Variants in NKX2-2 observed in about 807,000 individuals in gnomAD.
NKX2-2 encodes homeobox protein Nkx-2.2.
Under a neutral mutation model 24.6 loss-of-function variants are expected in NKX2-2, and 8 were observed. That is an observed-to-expected ratio of 0.32 (90% CI 0.19 to 0.59). The LOEUF is 0.59. Ranked by LOEUF, NKX2-2 falls within the 20% of genes least tolerant of loss-of-function variation. The probability of loss-of-function intolerance (pLI) is 0.86; values close to 1 mark genes in which losing one functional copy is unlikely to be tolerated. For missense variants in NKX2-2, 381 were observed against 373.9 expected (o/e 1.02, Z -0.16); for synonymous variants, 217 against 173.3 (o/e 1.25, Z -1.98).
Position 21,512,278 on chromosome 20 carries a change from G to A in NKX2-2, c.467C>T (p.Pro156Leu). 6.2e-7 allele frequency: 1 copy of A among 1,613,688 alleles called. No homozygotes were observed. The highest frequency in any genetic ancestry group is 8.5e-7 in the Non-Finnish European group (1 of 1,179,942). Residue 156 changes from proline to leucine, a missense_variant, in exon 2 of 2, where the codon CCC becomes CTC. Physicochemically the swap from Pro to Leu is moderately conservative, Grantham distance 98. Around this residue, in one of 3 missense-constraint regions of NKX2-2, gnomAD observed 36 missense variants for 79.2 expected, o/e 0.45. Coordinates refer to ENST00000377142, the MANE Select transcript of NKX2-2 (RefSeq NM_002509.4). ...GAGGCTGGCCAGGTGTTCGCGCTCG[G>A]GCGCCGACAGGTACCGCTGCTGCCG... The part of the protein sequence containing the change: ...RFRQQRYLSA[P>L]EREHLASLIR...
At chr20:21,520,184 C>T in the NKX2-2 span, among the ~76,000 whole-genome samples, 2 of 152,108 alleles carry the variant, frequency 1.3e-5, no homozygotes, top group Non-Finnish European at 2.9e-5. Flanking sequence ...ATCCCCACCC[C>T]GTTCCTACAG....
chr20:21,519,842 G>A, the NKX2-2 span, among the ~76,000 whole-genome samples: 2 of 152,140 alleles, frequency 1.3e-5, no homozygotes, highest in Non-Finnish European at 2.9e-5. Flanking sequence ...GGGTTGGGGA[G>A]GCCTAAAGCT....
chr20:21,514,612 C>G (rs1431328038), upstream of NKX2-2, among the ~76,000 whole-genome samples: 1 of 152,072 alleles, frequency 6.6e-6, no homozygotes, highest in Non-Finnish European at 1.5e-5. Flanking sequence ...GCGCCCACCC[C>G]CGGCAAGCCG....
chr20:21,521,411 C>T, the NKX2-2 span, among the ~76,000 whole-genome samples: 1 of 152,176 alleles, frequency 6.6e-6, no homozygotes, highest in Non-Finnish European at 1.5e-5. Flanking sequence ...CGAGAACTGT[C>T]CGGCGCCGGG....
In NKX2-2 at chr20:21,511,999, G is replaced by A. The variant is rs773616566; in HGVS notation, c.746C>T (p.Ala249Val). ...GGGGGTGCTGGCCGAGCTGTACTGGGCGTTGTACTGCATGTGCTGCAGCGA... is the reference window on the plus strand; with the variant it reads ...GGGGGTGCTGGCCGAGCTGTACTGGACGTTGTACTGCATGTGCTGCAGCGA... ...AQSLQHMQYN[A>V]QYSSASTPQY... Residue 249 changes from alanine (A) to valine (V), a missense_variant, in exon 2 of 2, where the codon GCC becomes GTC. By Grantham distance (64) the Ala-to-Val change is moderately conservative. Transcript: ENST00000377142. 2 of 1,613,236 alleles carry A rather than the reference G, an allele frequency of 1.2e-6. No homozygotes were observed. The highest frequency in any genetic ancestry group is 1.1e-5 in the South Asian group (1 of 91,080).
At chr20:21,521,842 C>T in the NKX2-2 span, among the ~76,000 whole-genome samples, 1 of 152,324 alleles carries the variant, frequency 6.6e-6, no homozygotes, top group Admixed American at 6.5e-5. Context: ...CGGCGACAGC[C>T]CCGCCGCATT....
At chr20:21,517,880 C>A (rs964133901), upstream of NKX2-2, among the ~76,000 whole-genome samples, 2 of 152,190 alleles carry the variant, frequency 1.3e-5, no homozygotes, top group African/African-American at 4.8e-5. Flanking sequence ...GCTGAGAGGC[C>A]CTGCCCCGCT....
Position 21,511,951 on chromosome 20 carries a change from AG to A in NKX2-2, c.793del (p.Leu265TrpfsTer52), listed in dbSNP as rs1980446502. On this transcript the variant is annotated frameshift_variant, in exon 2 of 2. Transcript: ENST00000377142. LOFTEE classifies it high-confidence loss of function. Reference sequence around the variant, plus strand: ...CCAAGTCCACTGCTGGGCCTGGACCAGGGGGTGTGCTGTCGGGTACTGGGGG... The same window carrying A: ...CCAAGTCCACTGCTGGGCCTGGACCAGGGGTGTGCTGTCGGGTACTGGGGG... Reference protein sequence around the residue: ...STPQYPTAHPLVQAQQWTW With the variant: ...STPQYPTAHPXVQAQQWTW The A allele has an allele frequency of 1.9e-6, 3 of 1,601,874 alleles. No individual in the cohort carries two copies. The highest frequency in any genetic ancestry group is 8.5e-7 in the Non-Finnish European group (1 of 1,174,864).
the NKX2-2 span, among the ~76,000 whole-genome samples, chr20:21,521,763 C>T: frequency 1.3e-5 from 2 of 152,238 alleles, no homozygotes; most frequent in Non-Finnish European, 2.9e-5. Context: ...GCGCAACCGG[C>T]CCCGGGCAAT....
the NKX2-2 span, among the ~76,000 whole-genome samples, chr20:21,521,318 T>C: frequency 5.9e-5 from 9 of 151,956 alleles, no homozygotes; most frequent in East Asian, 9.7e-4. Context: ...TGGGAGGAGG[T>C]TGGGGCGGAG....
the NKX2-2 span, among the ~76,000 whole-genome samples, chr20:21,520,755 T>G: frequency 6.6e-6 from 1 of 152,216 alleles, no homozygotes; most frequent in Non-Finnish European, 1.5e-5. Flanking sequence ...TCCTTGGCTT[T>G]ATTCGTTCGC....
Position 21,513,209 on chromosome 20 carries a change from C to T in NKX2-2, c.259+202G>A, listed in dbSNP as rs897456576. Among the ~76,000 whole-genome samples the T allele has an allele frequency of 6.6e-6, 1 of 152,198 alleles. No individual in the cohort carries two copies. The highest frequency in any genetic ancestry group is 1.5e-5 in the Non-Finnish European group (1 of 68,024). ...TCGCATTGAAAAAAATTTTGGAGAC[C>T]AAGTTCTTTCCCGGAACTAAGGAGG... On this transcript the variant is annotated intron_variant, in intron 1 of 1. Coordinates refer to ENST00000377142, the MANE Select transcript of NKX2-2 (RefSeq NM_002509.4). This position sits in a 1 kb window ranked among gnomAD's most constrained non-coding sequence, Gnocchi z 4.6.
chr20:21,521,734 C>A, the NKX2-2 span, among the ~76,000 whole-genome samples: 1 of 152,226 alleles, frequency 6.6e-6, no homozygotes, highest in Non-Finnish European at 1.5e-5. Flanking sequence ...CCTTCCTCAC[C>A]GCGGCCCCGC....
upstream of NKX2-2, among the ~76,000 whole-genome samples, chr20:21,514,984 C>T (rs935204435): frequency 2.0e-5 from 3 of 151,960 alleles, no homozygotes; most frequent in African/African-American, 7.2e-5. Flanking sequence ...CACCCCCAAC[C>T]CCCCGCCTCC....
chr20:21,518,013 G>C (rs1388349964), upstream of NKX2-2, among the ~76,000 whole-genome samples: 1 of 152,154 alleles, frequency 6.6e-6, no homozygotes, highest in Non-Finnish European at 1.5e-5. Flanking sequence ...TTCTTTCCAG[G>C]TACCGTCTTG....
chr20:21,517,903 C>A (rs1422483225), upstream of NKX2-2, among the ~76,000 whole-genome samples: 1 of 152,214 alleles, frequency 6.6e-6, no homozygotes, highest in Non-Finnish European at 1.5e-5. Flanking sequence ...CTTCCCCCTC[C>A]GGAGGGTTCT....
chr20:21,512,173 C>T lies in NKX2-2; in HGVS notation c.572G>A (p.Gly191Asp), dbSNP rs1293792695. Reference sequence around the variant, plus strand: ...CGAGGGCAGGGGCGTCACCTCCATACCTTTCTCGGCCCGGGCGCGCTTCAT... The same window carrying T: ...CGAGGGCAGGGGCGTCACCTCCATATCTTTCTCGGCCCGGGCGCGCTTCAT... ...YKMKRARAEK[G>D]MEVTPLPSPR... The change falls in exon 2 of 2, where the codon GGT (glycine) becomes GAT (aspartate). Residue 191 changes from glycine (G) to aspartate (D), a missense_variant. Gly to Asp is a moderately conservative substitution (Grantham distance 94, BLOSUM62 -1). Coordinates refer to ENST00000377142, the MANE Select transcript of NKX2-2 (RefSeq NM_002509.4). 8.7e-6 allele frequency: 14 copies of T among 1,613,826 alleles called. No homozygotes were observed. Among genetic ancestry groups the T allele is most frequent in the Non-Finnish European group, 1.2e-5 (14 of 1,179,950 alleles).
At position 21,511,030 on chromosome 20, in the gene NKX2-2, T is replaced by G. The variant is rs900384476; in HGVS notation, c.*893A>C. The G allele has an allele frequency of 6.6e-6, 1 of 152,386 alleles. No homozygotes were observed. The highest frequency in any genetic ancestry group is 1.5e-5 in the Non-Finnish European group (1 of 68,026). The allele number at this position is 152,386 out of a possible 1,614,324, so 9.4% of individuals were successfully genotyped here. The stretch of plus-strand genomic sequence containing the variant: ...AGGGATTTTTTCTTTTTTTCTTTTT[T>G]AAACACAGGATTTTTATTAAAATTC... On this transcript the variant is annotated 3_prime_UTR_variant, in exon 2 of 2. Transcript: ENST00000377142.
upstream of NKX2-2, among the ~76,000 whole-genome samples, chr20:21,516,766 C>A (rs1353876237): frequency 6.6e-6 from 1 of 152,102 alleles, no homozygotes; most frequent in Non-Finnish European, 1.5e-5. Flanking sequence ...GGTCAGGTGG[C>A]AAAGGGGTCT....
Sources: gnomAD v4.1 joint callset for allele counts (sites outside exome capture counted in the v4.1 genomes callset) on GRCh38, gnomAD v4.1.1 for gene constraint, gnomAD v4.1.1 regional missense constraint, Gnocchi (gnomAD v3.1) non-coding constraint, MANE v1.5 for transcripts, NCBI Gene and HGNC (gene_info 2026-07-23, HGNC 2026-07-21) for gene names.